Variants in POLI observed in about 807,000 individuals in gnomAD.
The protein encoded by POLI is DNA polymerase iota, also known as RAD30 homolog B.
Under a neutral mutation model 51.6 loss-of-function variants are expected in POLI, and 58 were observed. That is an observed-to-expected ratio of 1.12 (90% CI 0.91 to 1.40). The LOEUF (loss-of-function observed/expected upper bound fraction) is 1.40. Among genes scored for constraint, POLI ranks in the 40% most tolerant of loss-of-function variants. POLI has a pLI of 0.00. For missense variants in POLI, 921 were observed against 871.3 expected, an observed-to-expected ratio of 1.06 and a Z score of -0.72; for synonymous variants, 322 against 299.7, an observed-to-expected ratio of 1.07 and a Z score of -0.77.
intron 8 of POLI, among the ~76,000 whole-genome samples, chr18:54,288,023 G>A (rs2087826312): frequency 6.6e-6 from 1 of 152,200 alleles, no homozygotes; most frequent in Non-Finnish European, 1.5e-5. Context: ...ATGGGCATAT[G>A]CATATGTTTT....
intron 3 of POLI, among the ~76,000 whole-genome samples, chr18:54,277,501 T>G (rs1006429062): frequency 5.9e-5 from 9 of 152,300 alleles, no homozygotes; most frequent in Middle Eastern, 3.4e-3. Context: ...TTTTTAGACT[T>G]TTTTGAAAAT....
chr18:54,308,308 C>T (rs1046087203), intron 3 of POLI, among the ~76,000 whole-genome samples: 2 of 152,156 alleles, frequency 1.3e-5, no homozygotes, highest in African/African-American at 4.8e-5. Context: ...ATTTGCTTGT[C>T]TGTAAAGGAT....
chr18:54,292,464 A>G (rs1429610268), intron 9 of POLI, among the ~76,000 whole-genome samples: 1 of 152,116 alleles, frequency 6.6e-6, no homozygotes, highest in African/African-American at 2.4e-5. Flanking sequence ...TTGAAATAGT[A>G]TTGAATTTTG....
chr18:54,306,351 G>A (rs2088585437), intron 3 of POLI, among the ~76,000 whole-genome samples: 1 of 152,126 alleles, frequency 6.6e-6, no homozygotes, highest in Non-Finnish European at 1.5e-5. Flanking sequence ...TTTTGTCATT[G>A]GTTCTGTTTA....
chr18:54,315,689 C>G (rs1012445746), intron 3 of POLI, among the ~76,000 whole-genome samples: 6 of 152,124 alleles, frequency 3.9e-5, no homozygotes, highest in South Asian at 2.1e-4. Flanking sequence ...TGAATTGAAC[C>G]CTTTGTCATT....
intron 5 of POLI, among the ~76,000 whole-genome samples, chr18:54,281,280 A>G (rs547296343): frequency 1.4e-4 from 21 of 152,272 alleles, no homozygotes; most frequent in African/African-American, 5.1e-4. Flanking sequence ...GATTACATAT[A>G]AAATATTAAG....
At chr18:54,288,244 G>A (rs372020230) in intron 8 of POLI, among the ~76,000 whole-genome samples, 1 of 152,014 alleles carries the variant, frequency 6.6e-6, no homozygotes, top group East Asian at 1.9e-4. Flanking sequence ...ATAGTAGTGT[G>A]GTTTTTCTTT....
At chr18:54,290,660 T>C (rs1228139275) in intron 8 of POLI, among the ~76,000 whole-genome samples, 1 of 151,994 alleles carries the variant, frequency 6.6e-6, no homozygotes, top group East Asian at 1.9e-4. Flanking sequence ...TAAAAAAGGA[T>C]GAGTTCATGT....
At position 54,295,631 on chromosome 18, in the gene POLI, T is replaced by C. The variant is rs1262629776; in HGVS notation, c.*1164T>C. 9.0e-6 allele frequency: 6 copies of C among 667,792 alleles called. No homozygotes were observed. Among genetic ancestry groups the C allele is most frequent in the Non-Finnish European group, 1.1e-5 (6 of 541,070 alleles). The allele number at this position is 667,792 out of a possible 1,614,324, so 41.4% of individuals were successfully genotyped here. A position where few individuals can be genotyped will look rare whatever the true frequency, so the allele number is the denominator to read the frequency against. ...TCTAGGTCTGAAATTTTCTTTTCTTTCTTTTTTTGTTTTGGAGACAGAGTC... is the reference window on the plus strand; with the variant it reads ...TCTAGGTCTGAAATTTTCTTTTCTTCCTTTTTTTGTTTTGGAGACAGAGTC... On this transcript the variant is annotated 3_prime_UTR_variant, in exon 10 of 10. Transcript: ENST00000579534.
downstream of POLI, among the ~76,000 whole-genome samples, chr18:54,298,707 C>T (rs1054239194): frequency 5.3e-5 from 8 of 149,852 alleles, no homozygotes; most frequent in Admixed American, 2.0e-4. Flanking sequence ...TCTCCTGCCT[C>T]AGCCTCGAGT....
downstream of POLI, among the ~76,000 whole-genome samples, chr18:54,301,009 G>C (rs2088480019): frequency 6.6e-6 from 1 of 152,150 alleles, no homozygotes; most frequent in African/African-American, 2.4e-5. Flanking sequence ...GCTGGGTGTG[G>C]TGGCTCACAC....
Position 54,297,291 on chromosome 18 carries a change from G to GTT in POLI, c.*2835_*2836dup, listed in dbSNP as rs879629665. The stretch of plus-strand genomic sequence containing the variant: ...TTTGTTTCAGCTCGAGTTTGTTGTT[G>GTT]TTTTTTTTTTTTCCTGTTTCTGTCT... On this transcript the variant is annotated 3_prime_UTR_variant, in exon 10 of 10. Coordinates refer to ENST00000579534, the MANE Select transcript of POLI (RefSeq NM_007195.3). 176 of 801,350 alleles carry GTT rather than the reference G, an allele frequency of 2.2e-4. No homozygotes were observed. The highest frequency in any genetic ancestry group is 1.8e-3 in the South Asian group (31 of 17,578). 49.6% of individuals were successfully genotyped at this position (801,350 alleles called of 1,614,324 possible). A position where few individuals can be genotyped will look rare whatever the true frequency, so the allele number is the denominator to read the frequency against.
chr18:54,302,430 C>T (rs894384843), downstream of POLI, among the ~76,000 whole-genome samples: 3 of 152,068 alleles, frequency 2.0e-5, no homozygotes, highest in Non-Finnish European at 4.4e-5. Flanking sequence ...GAAAAAAACT[C>T]CAACCTTTTG....
At chr18:54,318,740 C>T (rs529146160) in intron 3 of POLI, among the ~76,000 whole-genome samples, 1 of 152,236 alleles carries the variant, frequency 6.6e-6, no homozygotes, top group African/African-American at 2.4e-5. Context: ...GGAACTCATC[C>T]TTATTTCTCA....
intron 4 of POLI, among the ~76,000 whole-genome samples, chr18:54,278,460 C>T (rs890640606): frequency 6.6e-5 from 10 of 152,174 alleles, no homozygotes; most frequent in African/African-American, 2.2e-4. Flanking sequence ...ATGTTCCCTT[C>T]GATTCCCCTT....
In POLI at chr18:54,269,546, G is replaced by C. The variant is rs1440999479; in HGVS notation, c.-1G>C. On this transcript the variant is annotated 5_prime_UTR_variant, in exon 1 of 10. Coordinates refer to ENST00000579534, the MANE Select transcript of POLI (RefSeq NM_007195.3). ...GTAGCGCTGCGGTTGGCAGCGGCGG[G>C]ATGGAGAAGCTGGGGGTGGAGCCGG... 1.3e-6 allele frequency: 2 copies of C among 1,509,352 alleles called. No individual in the cohort carries two copies. 93.5% of individuals were successfully genotyped at this position (1,509,352 alleles called of 1,614,324 possible). A position where few individuals can be genotyped will look rare whatever the true frequency, so the allele number is the denominator to read the frequency against.
intron 3 of POLI, among the ~76,000 whole-genome samples, chr18:54,308,538 G>A (rs2088624468): frequency 1.3e-5 from 2 of 152,040 alleles, no homozygotes. Context: ...TTAAACTTTG[G>A]TGAATCTGAC....
intron 7 of POLI, chr18:54,284,563 C>T (rs548101462): frequency 6.6e-6 from 1 of 152,264 alleles, no homozygotes; most frequent in South Asian, 2.1e-4. Context: ...ACTCCTGATA[C>T]AGGAACAACT....
In POLI at chr18:54,280,799, C is replaced by G. The variant is rs759003923; in HGVS notation, c.692C>G (p.Ala231Gly). 1 of 1,613,570 alleles carries G rather than the reference C, an allele frequency of 6.2e-7. No homozygotes were observed. The highest frequency in any genetic ancestry group is 1.1e-5 in the South Asian group (1 of 91,066). The change falls in exon 5 of 10, where the codon GCA becomes GGA. Residue 231 changes from alanine (A) to glycine (G), a missense_variant. Transcript: ENST00000579534. ...GGAGTGGCTTCTAATAAACTGTTGG[C>G]AAAATTAGTTTCTGGTGTCTTTAAA... ...CAGVASNKLL[A>G]KLVSGVFKPN...
Sources: gnomAD v4.1 joint callset for allele counts (sites outside exome capture counted in the v4.1 genomes callset) on GRCh38, gnomAD v4.1.1 for gene constraint, MANE v1.5 for transcripts, NCBI Gene and HGNC (gene_info 2026-07-23, HGNC 2026-07-21) for gene names.